Variants in EYS observed in about 807,000 individuals in gnomAD.
The protein encoded by EYS is protein eyes shut homolog.
A neutral mutation model predicts 282.1 loss-of-function variants in EYS; 250 were observed. That is an observed-to-expected ratio of 0.89 (90% CI 0.80 to 0.98). EYS has a LOEUF of 0.98. Ranked by LOEUF, EYS falls within the 50% of genes least tolerant of loss-of-function variation. The pLI is 0.00. For missense variants in EYS, 4,016 were observed against 3,709.0 expected, an observed-to-expected ratio of 1.08 and a Z score of -2.15; for synonymous variants, 1,355 against 1,282.9, an observed-to-expected ratio of 1.06 and a Z score of -1.20.
intron 35 of EYS, among the ~76,000 whole-genome samples, chr6:63,897,248 G>T (rs1773557786): frequency 6.6e-6 from 1 of 152,206 alleles, no homozygotes; most frequent in South Asian, 2.1e-4. Flanking sequence ...GAGGCATGTA[G>T]TAGGCTGAAC....
chr6:64,075,814 T>A (rs1159679217), intron 32 of EYS, among the ~76,000 whole-genome samples: 1 of 151,992 alleles, frequency 6.6e-6, no homozygotes. Flanking sequence ...CTCATTGACT[T>A]ATTTCTTCAT....
chr6:64,991,392 T>G (rs1261390706), intron 14 of EYS, among the ~76,000 whole-genome samples: 1 of 151,576 alleles, frequency 6.6e-6, no homozygotes, highest in African/African-American at 2.4e-5. Context: ...ACATCAAGGT[T>G]TAGTTCAAGT....
At chr6:64,596,856 A>G (rs1417543319) in intron 24 of EYS, among the ~76,000 whole-genome samples, 3 of 152,162 alleles carry the variant, frequency 2.0e-5, no homozygotes, top group Non-Finnish European at 4.4e-5. Flanking sequence ...AAAATAGACA[A>G]ATGGAATTGA....
chr6:64,789,546 C>T (rs1283784388), intron 22 of EYS, among the ~76,000 whole-genome samples: 3 of 152,008 alleles, frequency 2.0e-5, no homozygotes, highest in South Asian at 2.1e-4. Context: ...TTTTTAATAC[C>T]GTAGTTTAGC....
intron 12 of EYS, among the ~76,000 whole-genome samples, chr6:65,225,252 C>T (rs1266413488): frequency 1.3e-5 from 2 of 149,420 alleles, no homozygotes; most frequent in Admixed American, 1.3e-4. Flanking sequence ...TACAAGAAAA[C>T]TAAAAACTAA....
chr6:63,774,554 C>T (rs183475528), intron 40 of EYS, among the ~76,000 whole-genome samples: 1 of 152,104 alleles, frequency 6.6e-6, no homozygotes, highest in African/African-American at 2.4e-5. Flanking sequence ...TGGTTAGTAA[C>T]AATGTCTTGT....
intron 33 of EYS, among the ~76,000 whole-genome samples, chr6:64,022,821 A>G (rs1408519251): frequency 6.6e-6 from 1 of 152,232 alleles, no homozygotes. Flanking sequence ...GAAGAACAAT[A>G]CATAACATTT....
chr6:64,454,972 AT>A (rs1395169815), intron 26 of EYS, among the ~76,000 whole-genome samples: 4 of 152,292 alleles, frequency 2.6e-5, no homozygotes, highest in East Asian at 1.9e-4. Flanking sequence ...ATTTGTTGCC[AT>A]TTTAAAATAT....
intron 14 of EYS, among the ~76,000 whole-genome samples, chr6:64,970,022 A>G (rs1770234300): frequency 6.6e-6 from 1 of 152,164 alleles, no homozygotes; most frequent in Admixed American, 6.5e-5. Flanking sequence ...TCCATGAACA[A>G]CACAGGTTTG....
chr6:63,930,086 C>T lies in EYS; in HGVS notation c.7055+54297G>A, dbSNP rs575094461. ...GTCCTTATTGCCAGCTTCTGTTTTC[C>T]GCCAGTTCCACCTTTACTTCAAAAG... is the stretch of plus-strand genomic sequence containing the variant. On this transcript the variant is annotated intron_variant, in intron 35 of 42. Coordinates refer to ENST00000503581, the MANE Select transcript of EYS (RefSeq NM_001142800.2). Among the ~76,000 whole-genome samples the T allele has an allele frequency of 6.6e-5, 10 of 152,200 alleles. No individual in the cohort carries two copies. In the South Asian group the frequency reaches 8.3e-4, roughly 13 times the overall value.
intron 30 of EYS, among the ~76,000 whole-genome samples, chr6:64,254,432 C>T (rs1405915892): frequency 6.6e-6 from 1 of 152,066 alleles, no homozygotes; most frequent in Non-Finnish European, 1.5e-5. Context: ...TATCTTACTA[C>T]ATCAATGGGG....
intron 15 of EYS, among the ~76,000 whole-genome samples, chr6:64,944,289 C>T (rs2150094919): frequency 6.6e-6 from 1 of 152,074 alleles, no homozygotes; most frequent in East Asian, 1.9e-4. Context: ...CTAGAAAACA[C>T]CATTCTGGAC....
chr6:64,590,225 G>C lies in EYS; in HGVS notation c.5642C>G (p.Ser1881Cys), dbSNP rs150640306. 1 of 1,532,916 alleles carries C rather than the reference G, an allele frequency of 6.5e-7. No homozygotes were observed. Among genetic ancestry groups the C allele is most frequent in the Non-Finnish European group, 8.8e-7 (1 of 1,139,448 alleles). The allele number at this position is 1,532,916 out of a possible 1,614,324, so 95.0% of individuals were successfully genotyped here. Reference protein sequence around the residue: ...SILAPQRLMISDFSCVRYYGD... With the variant: ...SILAPQRLMICDFSCVRYYGD... Reference sequence around the variant, plus strand: ...TGAACAGAAACTGAGAAACTCACCAGAAATCATCAGCCGTTGAGGTGCCAG... The same window carrying C: ...TGAACAGAAACTGAGAAACTCACCACAAATCATCAGCCGTTGAGGTGCCAG... Residue 1881 changes from serine (S) to cysteine (C), a missense_variant and splice_region_variant, in exon 26 of 43, where the codon TCT (serine) becomes TGT (cysteine). Coordinates refer to ENST00000503581, the MANE Select transcript of EYS (RefSeq NM_001142800.2).
chr6:65,632,272 T>C (rs1010319261), intron 2 of EYS, among the ~76,000 whole-genome samples: 1 of 152,218 alleles, frequency 6.6e-6, no homozygotes, highest in Non-Finnish European at 1.5e-5. Flanking sequence ...CCAGATTTTC[T>C]CTGCTCGTTC....
At chr6:65,400,023 CAG>C (rs1766432833) in intron 7 of EYS, among the ~76,000 whole-genome samples, 1 of 152,130 alleles carries the variant, frequency 6.6e-6, no homozygotes, top group East Asian at 1.9e-4. Flanking sequence ...ATCTTAAGTG[CAG>C]ACTTTCTTCC....
At chr6:64,267,121 A>G (rs1197128635) in intron 30 of EYS, among the ~76,000 whole-genome samples, 2 of 152,158 alleles carry the variant, frequency 1.3e-5, no homozygotes, top group African/African-American at 2.4e-5. Flanking sequence ...TGAAGAATCT[A>G]AAGATATTTA....
At chr6:63,957,035 C>T (rs953445562) in intron 35 of EYS, among the ~76,000 whole-genome samples, 5 of 152,152 alleles carry the variant, frequency 3.3e-5, no homozygotes, top group African/African-American at 1.2e-4. Flanking sequence ...TAAATTTGCT[C>T]TTCCTTTTTC....
At chr6:64,230,963 T>A in intron 30 of EYS, 139 bp from the exon 31 acceptor site, 1 of 506,846 alleles carries the variant, frequency 2.0e-6, no homozygotes. Flanking sequence ...ACAAATAAAA[T>A]TATCATGTTT....
chr6:64,463,062 AAG>A, intron 26 of EYS, among the ~76,000 whole-genome samples: 6 of 147,820 alleles, frequency 4.1e-5, no homozygotes, highest in Non-Finnish European at 8.9e-5. Context: ...TTCTCCTGCC[AAG>A]GCCTCCCAAG....
Sources: gnomAD v4.1 joint callset for allele counts (sites outside exome capture counted in the v4.1 genomes callset) on GRCh38, gnomAD v4.1.1 for gene constraint, MANE v1.5 for transcripts, NCBI Gene and HGNC (gene_info 2026-07-23, HGNC 2026-07-21) for gene names.